Variants in TESK2 observed in about 807,000 individuals in gnomAD.
TESK2 encodes the protein testis associated actin remodelling kinase 2, also known as dual specificity testis-specific protein kinase 2.
TESK2 carries 39 observed loss-of-function variants against 57.1 expected under a neutral mutation model. That is an observed-to-expected ratio of 0.68 (90% CI 0.53 to 0.89). The LOEUF (loss-of-function observed/expected upper bound fraction) is 0.89. TESK2 is among the 40% of genes least tolerant of loss of function. The pLI is 0.00. For synonymous variants in TESK2, 249 were observed against 267.9 expected (o/e 0.93, Z 0.69); for missense variants, 646 against 732.1 (o/e 0.88, Z 1.36).
chr1:45,395,904 A>G (rs1440713042), intron 3 of TESK2, among the ~76,000 whole-genome samples: 1 of 152,182 alleles, frequency 6.6e-6, no homozygotes, highest in African/African-American at 2.4e-5. Flanking sequence ...GACAATATAT[A>G]AACGCTTGTT....
At chr1:45,431,320 A>G (rs561900509) in intron 2 of TESK2, among the ~76,000 whole-genome samples, 69 of 152,280 alleles carry the variant, frequency 4.5e-4, no homozygotes, top group African/African-American at 1.6e-3. Context: ...CAGGAGGCTG[A>G]GGCAGAAGAA....
intron 2 of TESK2, among the ~76,000 whole-genome samples, chr1:45,422,500 G>A (rs1320384927): frequency 6.6e-6 from 1 of 152,186 alleles, no homozygotes; most frequent in Non-Finnish European, 1.5e-5. Flanking sequence ...CTGGAGTGTA[G>A]TGGCACAATC....
At chr1:45,426,396 A>C (rs1650690250) in intron 2 of TESK2, among the ~76,000 whole-genome samples, 1 of 152,232 alleles carries the variant, frequency 6.6e-6, no homozygotes, top group African/African-American at 2.4e-5. Context: ...AAAACTGTAT[A>C]GTTACATGCA....
At chr1:45,421,924 T>C (rs1347350086) in intron 2 of TESK2, 78 bp from the exon 3 acceptor site, 2 of 1,484,132 alleles carry the variant, frequency 1.3e-6, no homozygotes, top group African/African-American at 1.4e-5. Context: ...AAATGTACAA[T>C]ATGCCAAGAT....
At position 45,344,722 on chromosome 1, in the gene TESK2, G is replaced by T; in HGVS notation, c.*118C>A. The T allele has an allele frequency of 1.0e-6, 1 of 985,180 alleles. No individual in the cohort carries two copies. The highest frequency in any genetic ancestry group is 1.5e-6 in the Non-Finnish European group (1 of 668,452). 61.0% of individuals were successfully genotyped at this position (985,180 alleles called of 1,614,324 possible). ...ACTGGGAGCCCAGAAGTTGAGCCTG[G>T]CTTGGCCTAGCCTGCCTGCTCTGTA... On this transcript the variant is annotated 3_prime_UTR_variant, in exon 11 of 11. Transcript: ENST00000372086.
intron 5 of TESK2, among the ~76,000 whole-genome samples, chr1:45,352,730 CTT>C (rs1647265249): frequency 6.6e-6 from 1 of 151,924 alleles, no homozygotes; most frequent in South Asian, 2.1e-4. Flanking sequence ...ATAGGAGACA[CTT>C]GTGTGTGTGT....
chr1:45,410,488 C>T (rs1414326926), intron 3 of TESK2, among the ~76,000 whole-genome samples: 1 of 151,958 alleles, frequency 6.6e-6, no homozygotes, highest in Non-Finnish European at 1.5e-5. Flanking sequence ...GCCTGTAATC[C>T]CAGCTACTCG....
intron 10 of TESK2, 49 bp downstream of exon 10, chr1:45,345,828 G>A (rs1647135490): frequency 4.0e-6 from 6 of 1,494,080 alleles, no homozygotes; most frequent in South Asian, 1.1e-5. Flanking sequence ...CCCCACATCC[G>A]AATTTCCTCC....
chr1:45,445,385 A>G (rs1403106071), intron 2 of TESK2, among the ~76,000 whole-genome samples: 1 of 152,054 alleles, frequency 6.6e-6, no homozygotes, highest in Non-Finnish European at 1.5e-5. Context: ...GCTGTTCTCA[A>G]TTTATTGGCT....
chr1:45,437,778 C>T (rs1235924917), intron 2 of TESK2, among the ~76,000 whole-genome samples: 1 of 152,060 alleles, frequency 6.6e-6, no homozygotes, highest in Admixed American at 6.6e-5. Flanking sequence ...TTATAAAATA[C>T]TTTTTCTAGA....
At chr1:45,430,097 G>A (rs941813941) in intron 2 of TESK2, among the ~76,000 whole-genome samples, 3 of 152,004 alleles carry the variant, frequency 2.0e-5, no homozygotes, top group African/African-American at 4.8e-5. Flanking sequence ...TAACAGATGT[G>A]GCTACCACAA....
intron 3 of TESK2, among the ~76,000 whole-genome samples, chr1:45,411,984 T>A (rs1650055859): frequency 6.6e-6 from 1 of 152,168 alleles, no homozygotes; most frequent in African/African-American, 2.4e-5. Context: ...ACTGATCTGG[T>A]CCATTCTCAT....
intron 1 of TESK2, among the ~76,000 whole-genome samples, chr1:45,472,973 T>TAAA (rs1023886539): frequency 5.0e-5 from 5 of 100,836 alleles, no homozygotes; most frequent in East Asian, 2.6e-4. Context: ...CTGTCTCTAC[T>TAAA]AAAAAAAAAA....
intron 1 of TESK2, among the ~76,000 whole-genome samples, chr1:45,468,503 C>T (rs1652643090): frequency 6.6e-6 from 1 of 151,978 alleles, no homozygotes; most frequent in African/African-American, 2.4e-5. Flanking sequence ...ACGTACAAAC[C>T]CTAAAACCAA....
intron 4 of TESK2, among the ~76,000 whole-genome samples, chr1:45,368,517 G>T (rs945125725): frequency 6.6e-6 from 1 of 151,894 alleles, no homozygotes; most frequent in African/African-American, 2.4e-5. Context: ...GGGACTACAG[G>T]CGCCTGCCAC....
chr1:45,350,584 C>T (rs569846536), intron 5 of TESK2, among the ~76,000 whole-genome samples: 5 of 152,160 alleles, frequency 3.3e-5, no homozygotes, highest in Non-Finnish European at 7.4e-5. Flanking sequence ...GATCAGTGAC[C>T]GAACTGCCGG....
rs773554886 is a variant in TESK2, at chr1:45,431,503, AC to A, written c.223-9658del. On this transcript the variant is annotated intron_variant, in intron 2 of 10. Transcript: ENST00000372086. ...CTTTCTTGATGAAATTGTACTTTTT[AC>A]TTCCCCCTTATTATAGCCTGGAACA... Among the ~76,000 whole-genome samples, 11 of 152,248 alleles carry A rather than the reference AC, an allele frequency of 7.2e-5. No homozygotes were observed. The East Asian group carries it at 9.6e-4, about 13-fold the overall frequency.
chr1:45,421,927 G>T, intron 2 of TESK2, 81 bp from the exon 3 acceptor site: 1 of 1,477,024 alleles, frequency 6.8e-7, no homozygotes, highest in Non-Finnish European at 9.2e-7. Context: ...TGTACAATAT[G>T]CCAAGATATT....
chr1:45,465,017 A>G (rs1652487326), intron 1 of TESK2, among the ~76,000 whole-genome samples: 1 of 152,128 alleles, frequency 6.6e-6, no homozygotes, highest in South Asian at 2.1e-4. Context: ...CAGGTAGATC[A>G]CCTGAGGTCA....
Sources: gnomAD v4.1 joint callset for allele counts (sites outside exome capture counted in the v4.1 genomes callset) on GRCh38, gnomAD v4.1.1 for gene constraint, MANE v1.5 for transcripts, NCBI Gene and HGNC (gene_info 2026-07-23, HGNC 2026-07-21) for gene names.